The following PIEZO2 variants were observed in gnomAD, a reference collection of about 807,000 sequenced individuals.
The protein encoded by PIEZO2 is piezo-type mechanosensitive ion channel component 2.
Under a neutral mutation model 337.3 loss-of-function variants are expected in PIEZO2, and 172 were observed. That is an observed-to-expected ratio of 0.51 (90% CI 0.45 to 0.58). The LOEUF (loss-of-function observed/expected upper bound fraction) is 0.58, where lower values mean the gene tolerates loss of function less well. PIEZO2 is among the 20% of genes least tolerant of loss of function. PIEZO2 has a pLI of 0.00. For missense variants in PIEZO2, 3,028 were observed against 3,391.3 expected, an observed-to-expected ratio of 0.89 and a Z score of 2.66; for synonymous variants, 1,251 against 1,228.5, an observed-to-expected ratio of 1.02 and a Z score of -0.38.
Position 10,859,546 on chromosome 18 carries a change from C to T in PIEZO2, c.493-2335G>A, listed in dbSNP as rs2041818331. ...GCCATCCTGGCTCTCTCTCCTGCAT[C>T]ACAATGTGCTTTCTTTCTGCTGGAT... is the stretch of plus-strand genomic sequence containing the variant. On this transcript the variant is annotated intron_variant, in intron 5 of 55. Transcript: ENST00000674853. The surrounding 1 kb of genome is among the most constrained non-coding windows in gnomAD (Gnocchi z 4.9). 6.6e-6 allele frequency among the ~76,000 whole-genome samples: 1 copy of T among 152,240 alleles called. No homozygotes were observed. Among genetic ancestry groups the T allele is most frequent in the South Asian group, 2.1e-4 (1 of 4,832 alleles).
chr18:10,987,063 C>G (rs2034903664), intron 2 of PIEZO2, among the ~76,000 whole-genome samples: 1 of 151,788 alleles, frequency 6.6e-6, no homozygotes. Flanking sequence ...AAAACAAATA[C>G]AAATAAATGA....
rs1253754842 is a variant in PIEZO2, at chr18:11,009,945, T to G, written c.161-30285A>C. 6.6e-6 allele frequency among the ~76,000 whole-genome samples: 1 copy of G among 152,088 alleles called. No individual in the cohort carries two copies. Among genetic ancestry groups the G allele is most frequent in the Non-Finnish European group, 1.5e-5 (1 of 68,012 alleles). On this transcript the variant is annotated intron_variant, in intron 2 of 55. Transcript: ENST00000674853. The surrounding 1 kb of genome is among the most constrained non-coding windows in gnomAD (Gnocchi z 4.6). ...CCTCAAGACACCTTGATCTCAAATATCCAGCCTCCAGAATGGTGAGATAAT... is the reference window on the plus strand; with the variant it reads ...CCTCAAGACACCTTGATCTCAAATAGCCAGCCTCCAGAATGGTGAGATAAT...
intron 2 of PIEZO2, among the ~76,000 whole-genome samples, chr18:11,020,418 T>A (rs2036269179): frequency 6.6e-6 from 1 of 152,208 alleles, no homozygotes; most frequent in Non-Finnish European, 1.5e-5. Flanking sequence ...TTACTTCCTG[T>A]CATTAGTTCA....
At chr18:10,804,380 G>T (rs1042210228) in intron 8 of PIEZO2, among the ~76,000 whole-genome samples, 3 of 152,198 alleles carry the variant, frequency 2.0e-5, no homozygotes. Context: ...AATTAAGACT[G>T]GATGTATTGA....
chr18:10,945,473 G>A lies in PIEZO2; in HGVS notation c.286+34062C>T, dbSNP rs381635. Reference sequence around the variant, plus strand: ...CTCAGTAGTGGGGAAAAATGCCCATGGATTGAAATTGGTCTGGTCTTGCCT... The same window carrying A: ...CTCAGTAGTGGGGAAAAATGCCCATAGATTGAAATTGGTCTGGTCTTGCCT... On this transcript the variant is annotated intron_variant, in intron 3 of 55. Coordinates refer to ENST00000674853, the MANE Select transcript of PIEZO2 (RefSeq NM_001378183.1). This position sits in a 1 kb window ranked among gnomAD's most constrained non-coding sequence, Gnocchi z 4.0. 0.58 allele frequency among the ~76,000 whole-genome samples: 87,518 copies of A among 151,982 alleles called. 25,573 individuals are homozygous for A. Among genetic ancestry groups the A allele is most frequent in the African/African-American group, 0.64 (26,356 of 41,446 alleles).
chr18:10,706,341 C>CT (rs1567969202), intron 40 of PIEZO2, among the ~76,000 whole-genome samples: 1 of 152,162 alleles, frequency 6.6e-6, no homozygotes, highest in South Asian at 2.1e-4. Context: ...CATCCTTTGC[C>CT]TTTTTTGCAT....
At chr18:10,867,600 A>G (rs1165740418) in intron 5 of PIEZO2, among the ~76,000 whole-genome samples, 1 of 152,198 alleles carries the variant, frequency 6.6e-6, no homozygotes. Flanking sequence ...TGCAAATCCT[A>G]TTTGAATAAG....
chr18:11,059,116 A>T (rs1598896398), intron 2 of PIEZO2, among the ~76,000 whole-genome samples: 1 of 152,378 alleles, frequency 6.6e-6, no homozygotes, highest in East Asian at 1.9e-4. Context: ...ATTCTTAAAG[A>T]AAAGAATTTT....
chr18:11,063,276 T>G, intron 2 of PIEZO2, among the ~76,000 whole-genome samples: 1 of 117,710 alleles, frequency 8.5e-6, no homozygotes, highest in Non-Finnish European at 1.6e-5. Flanking sequence ...CACCGGGGCC[T>G]GTTGTGGGGT....
chr18:10,941,002 A>C (rs978107311), intron 3 of PIEZO2, among the ~76,000 whole-genome samples: 1 of 152,246 alleles, frequency 6.6e-6, no homozygotes, highest in Non-Finnish European at 1.5e-5. Flanking sequence ...ACAATTGTAC[A>C]CGACCAAACT....
rs2036880826 is a variant in PIEZO2 at position 11,035,178 on chromosome 18, G to C, written c.160+30949C>G. Among the ~76,000 whole-genome samples the C allele has an allele frequency of 6.6e-6, 1 of 152,192 alleles. No homozygotes were observed. Among genetic ancestry groups the C allele is most frequent in the Non-Finnish European group, 1.5e-5 (1 of 68,038 alleles). ...GATACTGTCCTCTCTCCAATTTCTT[G>C]TTGAAATGTGATCCCCAATATTGGA... On this transcript the variant is annotated intron_variant, in intron 2 of 55. Coordinates refer to ENST00000674853, the MANE Select transcript of PIEZO2 (RefSeq NM_001378183.1). The surrounding 1 kb of genome is among the most constrained non-coding windows in gnomAD (Gnocchi z 4.3).
Position 10,699,052 on chromosome 18 carries a change from C to A in PIEZO2, c.6567G>T (p.Leu2189=). Residue 2189 remains leucine, a synonymous_variant, in exon 44 of 56, where the codon CTG becomes CTT. Coordinates refer to ENST00000674853, the MANE Select transcript of PIEZO2 (RefSeq NM_001378183.1). ...CATGCACTGACTCCACAGACGCGGC[C>A]AGGTTGATGGACTTGAGAGAATCGG... ...DSSDSLKSIN[L]AASVESVHVT... 2 of 1,537,166 alleles carry A rather than the reference C, an allele frequency of 1.3e-6. No individual in the cohort carries two copies. Among genetic ancestry groups the A allele is most frequent in the Non-Finnish European group, 1.7e-6 (2 of 1,146,910 alleles).
Position 10,856,639 on chromosome 18 carries a change from A to G in PIEZO2, c.703+362T>C, listed in dbSNP as rs919888745. On this transcript the variant is annotated intron_variant, in intron 6 of 55. Transcript: ENST00000674853. The surrounding 1 kb of genome is among the most constrained non-coding windows in gnomAD (Gnocchi z 4.7). ...AGCAGACAGACCTCCAGAACCCACA[A>G]TATGGCTTGTGATGGGTGCATGCAC... Among the ~76,000 whole-genome samples, 1 of 152,220 alleles carries G rather than the reference A, an allele frequency of 6.6e-6. No homozygotes were observed. Among genetic ancestry groups the G allele is most frequent in the Non-Finnish European group, 1.5e-5 (1 of 68,042 alleles).
rs1356237911 is a variant in PIEZO2 at position 10,763,042 on chromosome 18, G to A, written c.3003C>T (p.Ala1001=). Residue 1001 remains alanine (A), a synonymous_variant, in exon 22 of 56, where the codon GCC becomes GCT. Transcript: ENST00000674853. ...CACTTGAAGCCAGACGGCGCAGCTT[G>A]GCGTACGGCAGAGCAAAAGCCCAAG... ...LISWAFALPY[A]KLRRLASSVC... 6.5e-7 allele frequency: 1 copy of A among 1,537,242 alleles called. No individual in the cohort carries two copies. The highest frequency in any genetic ancestry group is 2.4e-5 in the East Asian group (1 of 40,928).
In PIEZO2 at chr18:10,950,539, C is replaced by T. The variant is rs76647517; in HGVS notation, c.286+28996G>A. On this transcript the variant is annotated intron_variant, in intron 3 of 55. Transcript: ENST00000674853. The stretch of plus-strand genomic sequence containing the variant: ...ATATTACTTGTGTCTTTGGTTATTT[C>T]TTCCAACTAGGGAACGAGAAAAGTA... 9.9e-3 allele frequency among the ~76,000 whole-genome samples: 1,501 copies of T among 152,296 alleles called. 20 individuals carry two copies. Among genetic ancestry groups the T allele is most frequent in the African/African-American group, 0.033 (1,391 of 41,562 alleles).
At position 11,077,815 on chromosome 18, in the gene PIEZO2, G is replaced by A. The variant is rs1458158780; in HGVS notation, c.65-11593C>T. On this transcript the variant is annotated intron_variant, in intron 1 of 55. Coordinates refer to ENST00000674853, the MANE Select transcript of PIEZO2 (RefSeq NM_001378183.1). The surrounding 1 kb of genome is among the most constrained non-coding windows in gnomAD (Gnocchi z 4.8). Reference sequence around the variant, plus strand: ...ACACGTTCAGTTCAACATAAAATAAGGTGGGAATGGCTTACTAGACTGTGT... The same window carrying A: ...ACACGTTCAGTTCAACATAAAATAAAGTGGGAATGGCTTACTAGACTGTGT... Among the ~76,000 whole-genome samples the A allele has an allele frequency of 6.6e-6, 1 of 152,068 alleles. No individual in the cohort carries two copies. Among genetic ancestry groups the A allele is most frequent in the Non-Finnish European group, 1.5e-5 (1 of 68,034 alleles).
chr18:10,691,420 T>A, intron 47 of PIEZO2, 37 bp from the exon 48 acceptor site: 1 of 1,592,292 alleles, frequency 6.3e-7, no homozygotes, highest in Non-Finnish European at 8.6e-7. Context: ...AGCAATGAAA[T>A]ACTCTTCTGA....
At chr18:11,093,950 T>C (rs2039180869) in intron 1 of PIEZO2, among the ~76,000 whole-genome samples, 2 of 151,374 alleles carry the variant, frequency 1.3e-5, no homozygotes, top group African/African-American at 4.9e-5. Context: ...TTATTCACGT[T>C]TTCAACTGTG....
chr18:11,141,955 C>T (rs1428571510), intron 1 of PIEZO2, among the ~76,000 whole-genome samples: 1 of 152,122 alleles, frequency 6.6e-6, no homozygotes, highest in African/African-American at 2.4e-5. Flanking sequence ...CAAATCCATC[C>T]CTTTTTTATA....
Sources: allele counts gnomAD v4.1 joint callset (sites outside exome capture counted in the v4.1 genomes callset), GRCh38; gene constraint gnomAD v4.1.1; non-coding constraint Gnocchi (gnomAD v3.1); transcripts MANE v1.5; gene names NCBI Gene and HGNC (gene_info 2026-07-23, HGNC 2026-07-21).